MON2: variants seen among roughly 807,000 people sequenced by gnomAD.
MON2 encodes protein MON2 homolog.
Under a neutral mutation model 208.6 loss-of-function variants are expected in MON2, and 84 were observed. That is an observed-to-expected ratio of 0.40 (90% CI 0.34 to 0.48). The LOEUF is 0.48. Among genes scored for constraint, MON2 ranks in the 20% least tolerant of loss-of-function variants. MON2 has a pLI of 0.59. For missense variants in MON2, 1,611 were observed against 2,015.4 expected, an observed-to-expected ratio of 0.80 and a Z score of 3.84; for synonymous variants, 660 against 694.0, an observed-to-expected ratio of 0.95 and a Z score of 0.77.
Position 62,596,644 on chromosome 12 carries a change from A to T in MON2, c.*3895A>T, listed in dbSNP as rs2075533276. The stretch of plus-strand genomic sequence containing the variant: ...TTTTATTTTAAAAAAATTGTCATTC[A>T]TGAGAAGAATGGGAGTTCATGCCAC... On this transcript the variant is annotated 3_prime_UTR_variant, in exon 35 of 35. Coordinates refer to ENST00000393630, the MANE Select transcript of MON2 (RefSeq NM_015026.3). 6.6e-6 allele frequency: 1 copy of T among 152,206 alleles called. No homozygotes were observed. 9.4% of individuals were successfully genotyped at this position (152,206 alleles called of 1,614,324 possible).
chr12:62,518,152 A>G (rs1160054119), intron 8 of MON2, among the ~76,000 whole-genome samples: 1 of 152,166 alleles, frequency 6.6e-6, no homozygotes, highest in African/African-American at 2.4e-5. Context: ...CCTCTCAAGT[A>G]TCTTCTTATA....
intron 28 of MON2, 92 bp downstream of exon 28, chr12:62,566,123 T>C: frequency 7.0e-7 from 1 of 1,419,452 alleles, no homozygotes; most frequent in Non-Finnish European, 9.7e-7. Flanking sequence ...ATGTGCTTTT[T>C]CCAATAGTTT....
In MON2 at chr12:62,580,295, A is replaced by C; in HGVS notation, c.4576-2A>C. 1 of 1,608,890 alleles carries C rather than the reference A, an allele frequency of 6.2e-7. No homozygotes were observed. The highest frequency in any genetic ancestry group is 8.5e-7 in the Non-Finnish European group (1 of 1,177,364). On this transcript the variant is annotated splice_acceptor_variant, in intron 31 of 34. Transcript: ENST00000393630. LOFTEE classifies it high-confidence loss of function. ...CATTTGCATTTGCCTCTTTTGTTTT[A>C]GGTAGTTCAACTTATCAGCAATGAG... is the stretch of plus-strand genomic sequence containing the variant.
intron 30 of MON2, among the ~76,000 whole-genome samples, chr12:62,575,324 AT>A (rs1160339239): frequency 2.6e-5 from 4 of 152,198 alleles, no homozygotes; most frequent in Admixed American, 2.0e-4. Context: ...AACCATGCAC[AT>A]TTTCAGTTTC....
chr12:62,549,596 A>C lies in MON2; in HGVS notation c.2754-72A>C, dbSNP rs549585758. 1.4e-5 allele frequency: 19 copies of C among 1,348,932 alleles called. No homozygotes were observed. The South Asian group carries it at 2.7e-4, about 19-fold the overall frequency. The allele number at this position is 1,348,932 out of a possible 1,614,324, so 83.6% of individuals were successfully genotyped here. Reference sequence around the variant, plus strand: ...CACTGCACTCCAACCTGAGTGGCAGAGTGAGACCCTGTCTCAAAAATAAAT... The same window carrying C: ...CACTGCACTCCAACCTGAGTGGCAGCGTGAGACCCTGTCTCAAAAATAAAT... On this transcript the variant is annotated intron_variant, in intron 22 of 34. Transcript: ENST00000393630.
rs1007127621 is a variant in MON2 at position 62,599,051 on chromosome 12, A to G, written c.*6302A>G. 1 of 152,110 alleles carries G rather than the reference A, an allele frequency of 6.6e-6. No individual in the cohort carries two copies. Among genetic ancestry groups the G allele is most frequent in the Non-Finnish European group, 1.5e-5 (1 of 67,990 alleles). The allele number at this position is 152,110 out of a possible 1,614,324, so 9.4% of individuals were successfully genotyped here. A position where few individuals can be genotyped will look rare whatever the true frequency, so the allele number is the denominator to read the frequency against. On this transcript the variant is annotated 3_prime_UTR_variant, in exon 35 of 35. Transcript: ENST00000393630. ...AAGTCTGAAACATTATTGACACCCC[A>G]CATCACTTACTCTGTTTAAAGACTT...
chr12:62,541,019 G>T (rs2073207042), intron 19 of MON2, among the ~76,000 whole-genome samples: 1 of 152,220 alleles, frequency 6.6e-6, no homozygotes, highest in Non-Finnish European at 1.5e-5. Flanking sequence ...TGGCTTTACA[G>T]TGATCAGCAT....
At chr12:62,534,400 T>A (rs2072807072) in intron 12 of MON2, among the ~76,000 whole-genome samples, 1 of 148,838 alleles carries the variant, frequency 6.7e-6, no homozygotes, top group South Asian at 2.1e-4. Context: ...GTGTCTGTAA[T>A]CCCAGCTACT....
Position 62,592,577 on chromosome 12 carries a change from G to T in MON2, c.4991-9G>T, listed in dbSNP as rs2075431929. ...CACCCTTTTGAGGTTTTATACTTTT[G>T]CATTACAGTTGATGGAAATACCTGG... On this transcript the variant is annotated splice_polypyrimidine_tract_variant and intron_variant, in intron 34 of 34. Transcript: ENST00000393630. 8 of 1,576,176 alleles carry T rather than the reference G, an allele frequency of 5.1e-6. No individual in the cohort carries two copies. Among genetic ancestry groups the T allele is most frequent in the South Asian group, 1.2e-5 (1 of 86,836 alleles).
chr12:62,557,835 A>G (rs1007696861), intron 25 of MON2, among the ~76,000 whole-genome samples: 3 of 148,938 alleles, frequency 2.0e-5, no homozygotes, highest in Non-Finnish European at 4.4e-5. Context: ...GAAATGCACA[A>G]ATTTTCACTG....
At chr12:62,538,031 T>C in intron 16 of MON2, 65 bp from the exon 17 acceptor site, 2 of 1,424,892 alleles carry the variant, frequency 1.4e-6, no homozygotes, top group Non-Finnish European at 1.9e-6. Context: ...TGATTTTAAT[T>C]TTAGTTATTG....
rs2071032054 is a variant in MON2, at chr12:62,505,057, G to A, written c.790-3229G>A. ...CTGAGAAAGGATGTCTTCTTTTCTAGAAAAATAAGCTTTAAGGGCATTGAA... is the reference window on the plus strand; with the variant it reads ...CTGAGAAAGGATGTCTTCTTTTCTAAAAAAATAAGCTTTAAGGGCATTGAA... On this transcript the variant is annotated intron_variant, in intron 7 of 34. Coordinates refer to ENST00000393630, the MANE Select transcript of MON2 (RefSeq NM_015026.3). Among the ~76,000 whole-genome samples, 3 of 152,108 alleles carry A rather than the reference G, an allele frequency of 2.0e-5. No individual in the cohort carries two copies. The South Asian group carries it at 6.2e-4, about 32-fold the overall frequency.
In MON2 at chr12:62,532,738, CT is replaced by C. The variant is rs2072714712; in HGVS notation, c.1633+71del. On this transcript the variant is annotated intron_variant, in intron 12 of 34. Coordinates refer to ENST00000393630, the MANE Select transcript of MON2 (RefSeq NM_015026.3). The stretch of plus-strand genomic sequence containing the variant: ...ATTTACAATTTGCAAAAATTGTAGT[CT>C]TTATAAATCTTTCACCCTGACTTCT... 6 of 1,152,820 alleles carry C rather than the reference CT, an allele frequency of 5.2e-6. No individual in the cohort carries two copies. In the Middle Eastern group the frequency reaches 7.9e-4, roughly 152 times the overall value. The allele number at this position is 1,152,820 out of a possible 1,614,324, so 71.4% of individuals were successfully genotyped here.
At chr12:62,583,580 A>C (rs1285368658) in intron 32 of MON2, among the ~76,000 whole-genome samples, 1 of 152,112 alleles carries the variant, frequency 6.6e-6, no homozygotes, top group East Asian at 1.9e-4. Context: ...GCATGTCATT[A>C]TGAAATATCA....
chr12:62,486,742 T>C (rs908909135), intron 2 of MON2, among the ~76,000 whole-genome samples: 1 of 152,152 alleles, frequency 6.6e-6, no homozygotes. Flanking sequence ...TATTTACTTC[T>C]TTATGGTACT....
intron 8 of MON2, among the ~76,000 whole-genome samples, chr12:62,519,463 G>C (rs746664171): frequency 6.6e-6 from 1 of 152,126 alleles, no homozygotes; most frequent in Non-Finnish European, 1.5e-5. Flanking sequence ...AGGAGCTTTT[G>C]TGCATGTGAG....
rs751552967 is a variant in MON2, at chr12:62,467,239, A to C, written c.32A>C (p.Lys11Thr). 1 of 1,613,868 alleles carries C rather than the reference A, an allele frequency of 6.2e-7. No homozygotes were observed. The change falls in exon 1 of 35, where the codon AAG (lysine) becomes ACG (threonine). Residue 11 changes from lysine to threonine, a missense_variant. By Grantham distance (78) the Lys-to-Thr change is moderately conservative. Transcript: ENST00000393630. MSGTSSPEAV[K>T]KLLENMQSDL... ...GGCACCAGCAGCCCCGAGGCGGTGAAGAAGCTGCTGGAGAATATGCAGAGC... is the reference window on the plus strand; with the variant it reads ...GGCACCAGCAGCCCCGAGGCGGTGACGAAGCTGCTGGAGAATATGCAGAGC...
rs537319180 is a variant in MON2 at position 62,558,059 on chromosome 12, C to G, written c.3409+1867C>G. On this transcript the variant is annotated intron_variant, in intron 25 of 34. Coordinates refer to ENST00000393630, the MANE Select transcript of MON2 (RefSeq NM_015026.3). ...GCACGATCTTGGCTCACCCCAACCT[C>G]TGCCTCCCAGGTTCAAGCGATTCTC... Among the ~76,000 whole-genome samples the G allele has an allele frequency of 1.1e-3, 165 of 144,664 alleles. 1 individual carries two copies. The highest frequency in any genetic ancestry group is 4.1e-3 in the African/African-American group (160 of 39,004). 94.9% of individuals were successfully genotyped at this position (144,664 alleles called of 152,430 possible).
At chr12:62,504,824 C>CT (rs1344927050) in intron 7 of MON2, among the ~76,000 whole-genome samples, 1 of 152,122 alleles carries the variant, frequency 6.6e-6, no homozygotes, top group Non-Finnish European at 1.5e-5. Context: ...CAGATTTTAA[C>CT]TGAGTTGATA....
Sources: allele counts gnomAD v4.1 joint callset (sites outside exome capture counted in the v4.1 genomes callset), GRCh38; gene constraint gnomAD v4.1.1; transcripts MANE v1.5; gene names NCBI Gene and HGNC (gene_info 2026-07-23, HGNC 2026-07-21).